ITIH2: variants seen among roughly 807,000 people sequenced by gnomAD.
ITIH2 encodes inter-alpha-trypsin inhibitor heavy chain 2, also known as inter-alpha-trypsin inhibitor heavy chain H2.
ITIH2 carries 103 observed loss-of-function variants against 104.4 expected under a neutral mutation model. The observed-to-expected ratio is 0.99, with a 90% CI of 0.84 to 1.16. ITIH2 has a LOEUF of 1.16. Ranked by LOEUF, ITIH2 falls within the 50% of genes most tolerant of loss-of-function variation. ITIH2 has a pLI of 0.00. For missense variants in ITIH2, 1,108 were observed against 1,162.4 expected (o/e 0.95, Z 0.68); for synonymous variants, 436 against 435.4 (o/e 1.00, Z -0.02).
chr10:7,710,883 G>C (rs944137131), intron 4 of ITIH2, among the ~76,000 whole-genome samples: 7 of 151,246 alleles, frequency 4.6e-5, no homozygotes, highest in African/African-American at 1.5e-4. Context: ...CACACAATCA[G>C]AATTTACTCA....
At chr10:7,722,971 G>A (rs1427486092) in intron 8 of ITIH2, among the ~76,000 whole-genome samples, 1 of 152,058 alleles carries the variant, frequency 6.6e-6, no homozygotes, top group Admixed American at 6.6e-5. Context: ...GGAGTGGAGT[G>A]GAGTGAAGTG....
At chr10:7,713,557 T>C (rs909416723) in intron 5 of ITIH2, among the ~76,000 whole-genome samples, 2 of 152,254 alleles carry the variant, frequency 1.3e-5, no homozygotes, top group African/African-American at 2.4e-5. Context: ...CACTGCTTTT[T>C]CTAAAGAGTG....
chr10:7,704,968 G>A (rs931599870), intron 1 of ITIH2, 140 bp from the exon 2 acceptor site: 29 of 547,534 alleles, frequency 5.3e-5, no homozygotes, highest in Middle Eastern at 5.0e-4. Flanking sequence ...AATACCTGAC[G>A]TAAATGATGA....
intron 3 of ITIH2, 81 bp downstream of exon 3, chr10:7,707,314 T>G (rs1834756794): frequency 2.0e-6 from 2 of 1,009,782 alleles, no homozygotes; most frequent in Non-Finnish European, 3.1e-6. Flanking sequence ...TGTCTCTTTT[T>G]TCTTCATCAC....
intron 4 of ITIH2, among the ~76,000 whole-genome samples, chr10:7,711,103 C>G (rs116920709): frequency 6.6e-6 from 1 of 151,996 alleles, no homozygotes; most frequent in Non-Finnish European, 1.5e-5. Context: ...CCCTACCGCC[C>G]GACAGGACAC....
rs1564308527 is a variant in ITIH2, at chr10:7,746,067, T to TAAA, written c.2582-526_2582-525insAAA. Among the ~76,000 whole-genome samples, 18 of 51,114 alleles carry TAAA rather than the reference T, an allele frequency of 3.5e-4. 2 individuals carry two copies. Among genetic ancestry groups the TAAA allele is most frequent in the African/African-American group, 1.6e-3 (18 of 10,988 alleles). The allele number at this position is 51,114 out of a possible 152,430, so 33.5% of individuals were successfully genotyped here. ...CCACACCCGGCCCCAAATCTTAAAT[T>TAAA]TAAAAAAAAAAAAAAAAAAAAAAAA... On this transcript the variant is annotated intron_variant, in intron 19 of 20. Transcript: ENST00000358415.
intron 9 of ITIH2, among the ~76,000 whole-genome samples, 196 bp from the exon 10 acceptor site, chr10:7,726,754 A>G (rs1456292337): frequency 6.6e-6 from 1 of 152,252 alleles, no homozygotes; most frequent in Non-Finnish European, 1.5e-5. Context: ...TAAAATTATC[A>G]AAAAGCCAAC....
intron 15 of ITIH2, among the ~76,000 whole-genome samples, chr10:7,735,963 G>A (rs1185537864): frequency 1.3e-5 from 2 of 152,112 alleles, no homozygotes; most frequent in African/African-American, 2.4e-5. Context: ...GTGAGCCACC[G>A]TGCCTGACCA....
At position 7,726,614 on chromosome 10, in the gene ITIH2, TAA is replaced by T. The variant is rs575566018; in HGVS notation, c.985-335_985-334del. On this transcript the variant is annotated intron_variant, in intron 9 of 20. Transcript: ENST00000358415. ...TAAAGAGAAAGATGAGGAAATAGTT[TAA>T]GAGACTGGGTGAGTAGATGGACTTG... 1.5e-3 allele frequency among the ~76,000 whole-genome samples: 229 copies of T among 152,240 alleles called. 1 individual carries two copies. The highest frequency in any genetic ancestry group is 5.3e-3 in the African/African-American group (222 of 41,542).
At chr10:7,709,915 GTGAT>G (rs1226648671) in intron 4 of ITIH2, among the ~76,000 whole-genome samples, 1 of 151,968 alleles carries the variant, frequency 6.6e-6, no homozygotes, top group African/African-American at 2.4e-5. Context: ...GTGCAGTGGC[GTGAT>G]CTCGGCTCAC....
Position 7,744,779 on chromosome 10 carries a change from C to CT in ITIH2, c.2409-9dup, listed in dbSNP as rs1308066624. 2 of 1,610,426 alleles carry CT rather than the reference C, an allele frequency of 1.2e-6. No homozygotes were observed. The highest frequency in any genetic ancestry group is 1.7e-6 in the Non-Finnish European group (2 of 1,178,046). The stretch of plus-strand genomic sequence containing the variant: ...CTGGAATGGTTTAATTCCTCTTGGA[C>CT]TTTCACACCAGGGTGCAGATCTCAG... On this transcript the variant is annotated splice_polypyrimidine_tract_variant and intron_variant, in intron 18 of 20. Transcript: ENST00000358415.
At chr10:7,741,054 C>A (rs1835118966) in intron 16 of ITIH2, among the ~76,000 whole-genome samples, 1 of 151,964 alleles carries the variant, frequency 6.6e-6, no homozygotes, top group Non-Finnish European at 1.5e-5. Flanking sequence ...GGGATTTGAG[C>A]TAATTAAATG....
intron 5 of ITIH2, among the ~76,000 whole-genome samples, chr10:7,716,658 C>T (rs1050505084): frequency 1.2e-4 from 18 of 150,706 alleles, no homozygotes; most frequent in African/African-American, 4.2e-4. Context: ...ATAGCTTGAG[C>T]CCTGGAGGCG....
intron 8 of ITIH2, among the ~76,000 whole-genome samples, chr10:7,722,027 A>T (rs927916): frequency 0.36 from 53,949 of 151,900 alleles, 10,967 homozygotes; most frequent in African/African-American, 0.57. Context: ...TGAAGAACAA[A>T]GGAATAATTA....
intron 4 of ITIH2, among the ~76,000 whole-genome samples, chr10:7,712,619 C>A (rs1357859941): frequency 3.9e-5 from 6 of 152,120 alleles, no homozygotes; most frequent in Non-Finnish European, 7.4e-5. Flanking sequence ...AATCTATAAA[C>A]AAACAACAGT....
intron 3 of ITIH2, among the ~76,000 whole-genome samples, chr10:7,708,387 A>C (rs2131152463): frequency 6.6e-6 from 1 of 152,212 alleles, no homozygotes; most frequent in African/African-American, 2.4e-5. Flanking sequence ...AAGGAGGTCC[A>C]GAGTGTTGGA....
chr10:7,734,852 T>C, intron 14 of ITIH2, 70 bp from the exon 15 acceptor site: 1 of 1,376,972 alleles, frequency 7.3e-7, no homozygotes, highest in South Asian at 1.3e-5. Flanking sequence ...GGGTGCAGGG[T>C]CAGGGAGCTG....
rs770311197 is a variant in ITIH2, at chr10:7,744,157, T to G, written c.2285T>G (p.Leu762Arg). Reference sequence around the variant, plus strand: ...AAACTAAGCACCTATTTTGGAAAACTGGGATTTTATTTCCAAAGTGAAGAC... The same window carrying G: ...AAACTAAGCACCTATTTTGGAAAACGGGGATTTTATTTCCAAAGTGAAGAC... ...NGKLSTYFGK[L>R]GFYFQSEDIK... Residue 762 changes from leucine (L) to arginine (R), a missense_variant, in exon 18 of 21, where the codon CTG becomes CGG. By Grantham distance (102) the Leu-to-Arg change is moderately radical. Transcript: ENST00000358415. 6.2e-7 allele frequency: 1 copy of G among 1,614,066 alleles called. No homozygotes were observed. The highest frequency in any genetic ancestry group is 1.1e-5 in the South Asian group (1 of 91,072).
rs1834813961 is a variant in ITIH2 at position 7,713,202 on chromosome 10, T to C, written c.384T>C (p.Phe128=). The C allele has an allele frequency of 1.4e-5, 23 of 1,613,898 alleles. No homozygotes were observed. Among genetic ancestry groups the C allele is most frequent in the Non-Finnish European group, 1.9e-5 (23 of 1,179,894 alleles). Residue 128 remains phenylalanine, a synonymous_variant, in exon 5 of 21, where the codon TTT becomes TTC. Transcript: ENST00000358415. ...CTAGGACTGTGGACGGCAAGACATTTAGGAGCTCTATTAAGGAGAAAACTG... is the reference window on the plus strand; with the variant it reads ...CTAGGACTGTGGACGGCAAGACATTCAGGAGCTCTATTAAGGAGAAAACTG... ...NFSMTVDGKT[F]RSSIKEKTVG...
Sources: gnomAD v4.1 joint callset for allele counts (sites outside exome capture counted in the v4.1 genomes callset) on GRCh38, gnomAD v4.1.1 for gene constraint, MANE v1.5 for transcripts, NCBI Gene and HGNC (gene_info 2026-07-23, HGNC 2026-07-21) for gene names.